Variants in ARHGEF7 observed in about 807,000 individuals in gnomAD.
ARHGEF7 encodes the protein Rho guanine nucleotide exchange factor 7, also known as PAK-interacting exchange factor beta.
In ARHGEF7, 33 loss-of-function variants were observed where a neutral mutation model predicts 109.8. That is an observed-to-expected ratio of 0.30 (90% CI 0.23 to 0.40). The LOEUF (loss-of-function observed/expected upper bound fraction) is 0.40. Among genes scored for constraint, ARHGEF7 ranks in the 10% least tolerant of loss-of-function variants. The pLI is 1.00. For missense variants in ARHGEF7, 938 were observed against 1,098.5 expected, an observed-to-expected ratio of 0.85 and a Z score of 2.07; for synonymous variants, 458 against 424.6, an observed-to-expected ratio of 1.08 and a Z score of -0.97.
intron 1 of ARHGEF7, among the ~76,000 whole-genome samples, chr13:111,132,146 T>C (rs1185425679): frequency 6.6e-6 from 1 of 152,354 alleles, no homozygotes; most frequent in South Asian, 2.1e-4. Flanking sequence ...TAGCAAACTG[T>C]ATCCCTTTCA....
chr13:111,118,521 G>A (rs1463227676), intron 1 of ARHGEF7, among the ~76,000 whole-genome samples: 1 of 152,146 alleles, frequency 6.6e-6, no homozygotes, highest in Non-Finnish European at 1.5e-5. Context: ...CCTGCACTTT[G>A]GTTTTCTCCA....
Position 111,277,647 on chromosome 13 carries a change from C to A in ARHGEF7, c.1480C>A (p.Pro494Thr). Residue 494 changes from proline (P) to threonine (T), a missense_variant, in exon 13 of 22, where the codon CCT (proline) becomes ACT (threonine). Transcript: ENST00000646102. ...PNVLLMLSASPRMSGFIYQGK... is the reference protein window; with the variant it reads ...PNVLLMLSASTRMSGFIYQGK... ...TGTTTTGCTAATGTTGTCTGCCAGT[C>A]CTAGGATGAGTGGCTTTATCTATCA... is the stretch of plus-strand genomic sequence containing the variant. The A allele has an allele frequency of 6.2e-7, 1 of 1,604,716 alleles. No homozygotes were observed. The highest frequency in any genetic ancestry group is 8.5e-7 in the Non-Finnish European group (1 of 1,171,840).
At position 111,266,805 on chromosome 13, in the gene ARHGEF7, C is replaced by G. The variant is rs964560204; in HGVS notation, c.951-743C>G. 15 of 455,798 alleles carry G rather than the reference C, an allele frequency of 3.3e-5. No individual in the cohort carries two copies. Among genetic ancestry groups the G allele is most frequent in the Non-Finnish European group, 6.6e-5 (15 of 226,780 alleles). 28.2% of individuals were successfully genotyped at this position (455,798 alleles called of 1,614,324 possible). On this transcript the variant is annotated intron_variant, in intron 8 of 21. Transcript: ENST00000646102. The surrounding 1 kb of genome is among the most constrained non-coding windows in gnomAD (Gnocchi z 4.8). ...GGGTGCAGGGAAGGTGGTAAGAGTTCACGTGGTTCTCCTGTTTTCAGCACA... is the reference window on the plus strand; with the variant it reads ...GGGTGCAGGGAAGGTGGTAAGAGTTGACGTGGTTCTCCTGTTTTCAGCACA...
At chr13:111,294,958 G>A (rs1010966501) in intron 19 of ARHGEF7, 3 of 985,084 alleles carry the variant, frequency 3.0e-6, no homozygotes, top group East Asian at 1.1e-4. Context: ...TGTGTATATA[G>A]TGGTATAAGA....
intron 8 of ARHGEF7, among the ~76,000 whole-genome samples, chr13:111,253,295 G>T (rs1468197252): frequency 6.6e-6 from 1 of 152,210 alleles, no homozygotes; most frequent in African/African-American, 2.4e-5. Context: ...GCCTCTATGG[G>T]AAAATGAATT....
At chr13:111,279,229 G>A (rs1486931762) in intron 13 of ARHGEF7, among the ~76,000 whole-genome samples, 3 of 152,164 alleles carry the variant, frequency 2.0e-5, no homozygotes, top group Non-Finnish European at 4.4e-5. Flanking sequence ...CCACAGAAGT[G>A]TCCAGCAGTC....
chr13:111,185,961 C>CGTGTGTGTGTGTGTGTGTGT (rs71127998), intron 2 of ARHGEF7, among the ~76,000 whole-genome samples: 34 of 135,778 alleles, frequency 2.5e-4, no homozygotes, highest in Non-Finnish European at 3.8e-4. Context: ...TTTGGGAGCT[C>CGTGTGTGTGTGTGTGTGTGT]GTGTGTGTGT....
chr13:111,150,919 C>T (rs563881182), intron 1 of ARHGEF7, among the ~76,000 whole-genome samples: 20 of 152,300 alleles, frequency 1.3e-4, no homozygotes, highest in Admixed American at 5.2e-4. Context: ...CTAGAGATAT[C>T]GTTCAACTTC....
chr13:111,192,914 C>G (rs970329880), intron 2 of ARHGEF7, among the ~76,000 whole-genome samples: 2 of 152,192 alleles, frequency 1.3e-5, no homozygotes, highest in African/African-American at 4.8e-5. Context: ...ATCCCTTCGA[C>G]TTAGGCATAT....
At chr13:111,212,695 C>T (rs758413672) in intron 4 of ARHGEF7, among the ~76,000 whole-genome samples, 1 of 152,106 alleles carries the variant, frequency 6.6e-6, no homozygotes, top group East Asian at 1.9e-4. Context: ...GACCAGTCAC[C>T]GAGTGTATTT....
At position 111,273,741 on chromosome 13, in the gene ARHGEF7, T is replaced by C; in HGVS notation, c.1074-73T>C. 1 of 1,587,178 alleles carries C rather than the reference T, an allele frequency of 6.3e-7. No homozygotes were observed. The highest frequency in any genetic ancestry group is 8.6e-7 in the Non-Finnish European group (1 of 1,157,924). The stretch of plus-strand genomic sequence containing the variant: ...ATGTTTCATAAATTCTGGCTGTTGC[T>C]CATGGAGATGAGAGAGCCACCATTG... On this transcript the variant is annotated intron_variant, in intron 9 of 21. Transcript: ENST00000646102. The surrounding 1 kb of genome is among the most constrained non-coding windows in gnomAD (Gnocchi z 4.5).
intron 1 of ARHGEF7, 95 bp downstream of exon 1, chr13:111,115,786 A>T: frequency 1.4e-6 from 1 of 712,464 alleles, no homozygotes; most frequent in East Asian, 7.4e-5. Flanking sequence ...CGCGCTCGGG[A>T]AACCCGTGCG....
Position 111,280,342 on chromosome 13 carries a change from A to C in ARHGEF7, c.1577A>C (p.Glu526Ala). ...EDSENHRNAF[E>A]ISGSMIERIL... Reference sequence around the variant, plus strand: ...AGTGAAAATCATAGAAATGCATTTGAAATATCAGGTGATAGGCACAAGCTG... The same window carrying C: ...AGTGAAAATCATAGAAATGCATTTGCAATATCAGGTGATAGGCACAAGCTG... The change falls in exon 14 of 22, where the codon GAA becomes GCA. Residue 526 changes from glutamate (E) to alanine (A), a missense_variant. Physicochemically the swap from Glu to Ala is moderately radical, Grantham distance 107. Coordinates refer to ENST00000646102, the MANE Select transcript of ARHGEF7 (RefSeq NM_001354046.2). The C allele has an allele frequency of 1.2e-6, 2 of 1,613,664 alleles. No homozygotes were observed. Among genetic ancestry groups the C allele is most frequent in the Non-Finnish European group, 1.7e-6 (2 of 1,179,842 alleles).
chr13:111,240,024 C>T (rs1161635478), intron 6 of ARHGEF7, among the ~76,000 whole-genome samples: 1 of 152,154 alleles, frequency 6.6e-6, no homozygotes, highest in African/African-American at 2.4e-5. Context: ...ATGACTGGCA[C>T]TCTTGAGTAA....
chr13:111,275,198 A>G (rs906753159), intron 11 of ARHGEF7, among the ~76,000 whole-genome samples: 11 of 152,220 alleles, frequency 7.2e-5, no homozygotes, highest in Non-Finnish European at 1.2e-4. Context: ...TCAGTCTTCC[A>G]TATTGGCAAA....
intron 8 of ARHGEF7, among the ~76,000 whole-genome samples, chr13:111,254,100 G>T (rs1296779731): frequency 6.6e-6 from 1 of 152,158 alleles, no homozygotes; most frequent in East Asian, 1.9e-4. Context: ...AGTTTAGAGG[G>T]CAAGGTGGTG....
intron 2 of ARHGEF7, among the ~76,000 whole-genome samples, chr13:111,199,355 GC>G (rs146579707): frequency 0.019 from 2,948 of 152,322 alleles, 85 homozygotes; most frequent in African/African-American, 0.068. Context: ...GTCTGCTGAA[GC>G]CTTTTTATTT....
chr13:111,302,873 A>T, intron 21 of ARHGEF7, 118 bp from the exon 22 acceptor site: 1 of 1,314,378 alleles, frequency 7.6e-7, no homozygotes, highest in African/African-American at 1.5e-5. Context: ...GCCCATAGGC[A>T]GCTCACGTGG....
intron 5 of ARHGEF7, among the ~76,000 whole-genome samples, chr13:111,229,656 G>T (rs78090162): frequency 6.6e-6 from 1 of 152,152 alleles, no homozygotes; most frequent in Non-Finnish European, 1.5e-5. Flanking sequence ...GGCTGATACT[G>T]TTTAATGGTG....
Sources: allele counts gnomAD v4.1 joint callset (sites outside exome capture counted in the v4.1 genomes callset), GRCh38; gene constraint gnomAD v4.1.1; non-coding constraint Gnocchi (gnomAD v3.1); transcripts MANE v1.5; gene names NCBI Gene and HGNC (gene_info 2026-07-23, HGNC 2026-07-21).